SLC17A5: variants seen among roughly 807,000 people sequenced by gnomAD.
SLC17A5 encodes the protein solute carrier family 17 member 5.
A neutral mutation model predicts 59.4 loss-of-function variants in SLC17A5; 47 were observed. The observed-to-expected ratio is 0.79, with a 90% CI of 0.63 to 1.01. The LOEUF is 1.01. SLC17A5 is among the 50% of genes least tolerant of loss of function. The pLI is 0.00. For missense variants in SLC17A5, 522 were observed against 595.5 expected (o/e 0.88, Z 1.28); for synonymous variants, 202 against 210.7 (o/e 0.96, Z 0.36).
At chr6:73,645,928 G>A (rs957295724) in intron 1 of SLC17A5, among the ~76,000 whole-genome samples, 4 of 151,506 alleles carry the variant, frequency 2.6e-5, no homozygotes, top group Admixed American at 2.6e-4. Flanking sequence ...TTCTTTTATT[G>A]AGTTGCAGAA....
At chr6:73,634,179 TAA>T (rs1199540318) in intron 6 of SLC17A5, among the ~76,000 whole-genome samples, 2 of 152,158 alleles carry the variant, frequency 1.3e-5, no homozygotes. Flanking sequence ...TAATAAGATA[TAA>T]ACTTTTTTCT....
In SLC17A5 at chr6:73,595,156, C is replaced by G; in HGVS notation, c.1409G>C (p.Gly470Ala). Residue 470 changes from glycine to alanine, a missense_variant, in exon 11 of 11, where the codon GGT (glycine) becomes GCT (alanine). By Grantham distance (60) the Gly-to-Ala change is moderately conservative (BLOSUM62 0). Coordinates refer to ENST00000355773, the MANE Select transcript of SLC17A5 (RefSeq NM_012434.5). ...GGCGAATAGTGTAAAGAAAATGGCA[C>G]CAAAAACATTAATAGCAGCAGCAAT... is the stretch of plus-strand genomic sequence containing the variant. ...FYIAAAINVFGAIFFTLFAKG... is the reference protein window; with the variant it reads ...FYIAAAINVFAAIFFTLFAKG... 6.2e-7 allele frequency: 1 copy of G among 1,614,024 alleles called. No individual in the cohort carries two copies. The highest frequency in any genetic ancestry group is 8.5e-7 in the Non-Finnish European group (1 of 1,180,018).
intron 3 of SLC17A5, among the ~76,000 whole-genome samples, chr6:73,640,877 G>C (rs549781344): frequency 4.9e-4 from 75 of 152,164 alleles, no homozygotes; most frequent in Admixed American, 1.3e-3. Flanking sequence ...CAGAATCATA[G>C]AACTAAATTG....
intron 1 of SLC17A5, chr6:73,652,978 T>C: frequency 1.1e-6 from 1 of 923,234 alleles, no homozygotes; most frequent in Non-Finnish European, 1.3e-6. Context: ...CAAAATATTT[T>C]AATTTTCTCA....
intron 1 of SLC17A5, among the ~76,000 whole-genome samples, chr6:73,650,229 G>T (rs1769787648): frequency 6.7e-6 from 1 of 149,548 alleles, no homozygotes; most frequent in Non-Finnish European, 1.5e-5. Context: ...AGAAAAAAAG[G>T]CCGGGCACGG....
chr6:73,646,264 A>G (rs1156787116), intron 1 of SLC17A5, among the ~76,000 whole-genome samples: 1 of 152,224 alleles, frequency 6.6e-6, no homozygotes, highest in African/African-American at 2.4e-5. Flanking sequence ...AAGTCTTGAT[A>G]CTGGCTCAGA....
chr6:73,607,276 A>G (rs1767432472), intron 9 of SLC17A5, among the ~76,000 whole-genome samples: 1 of 144,646 alleles, frequency 6.9e-6, no homozygotes. Flanking sequence ...TTTTGACAAT[A>G]GCACTATTTT....
chr6:73,641,916 C>G lies in SLC17A5; in HGVS notation c.300G>C (p.Lys100Asn). Residue 100 changes from lysine to asparagine, a missense_variant, in exon 3 of 11, where the codon AAG (lysine) becomes AAC (asparagine). Physicochemically the swap from Lys to Asn is moderately conservative, Grantham distance 94. Coordinates refer to ENST00000355773, the MANE Select transcript of SLC17A5 (RefSeq NM_012434.5). ...CTTGAGTTTCTGCATCCCATTGGTA[C>G]TTCTTACCCTACAAAAATCAGAAAA... is the stretch of plus-strand genomic sequence containing the variant. ...IKVHHNQTGK[K>N]YQWDAETQGW... 1 of 1,613,664 alleles carries G rather than the reference C, an allele frequency of 6.2e-7. No individual in the cohort carries two copies. Among genetic ancestry groups the G allele is most frequent in the Non-Finnish European group, 8.5e-7 (1 of 1,179,558 alleles).
intron 3 of SLC17A5, 147 bp from the exon 4 acceptor site, chr6:73,638,646 T>C (rs1769138178): frequency 1.4e-6 from 1 of 708,602 alleles, no homozygotes; most frequent in Non-Finnish European, 2.5e-6. Flanking sequence ...TTTTACAGTG[T>C]TAAGTGAAAA....
chr6:73,650,761 C>T (rs1211845995), intron 1 of SLC17A5, among the ~76,000 whole-genome samples: 1 of 151,314 alleles, frequency 6.6e-6, no homozygotes, highest in Admixed American at 6.6e-5. Flanking sequence ...ATGGAGAGGG[C>T]TGAAAGTTTA....
intron 9 of SLC17A5, among the ~76,000 whole-genome samples, chr6:73,601,375 G>A (rs1184381451): frequency 7.0e-6 from 1 of 143,428 alleles, no homozygotes; most frequent in African/African-American, 2.6e-5. Context: ...AGTGAGGAGC[G>A]TCTCCGCCCG....
intron 3 of SLC17A5, 61 bp downstream of exon 3, chr6:73,641,630 T>C: frequency 2.4e-6 from 3 of 1,254,732 alleles, no homozygotes; most frequent in Non-Finnish European, 3.4e-6. Context: ...GAATGACATC[T>C]TTAAGAAGAA....
chr6:73,627,631 ATTTT>A (rs10586058), intron 6 of SLC17A5, among the ~76,000 whole-genome samples: 24,235 of 143,400 alleles, frequency 0.17, 2,999 homozygotes, highest in African/African-American at 0.35. Context: ...TTATGAAAGC[ATTTT>A]TTTTTTTTTT....
chr6:73,610,964 T>G (rs1027017843), intron 8 of SLC17A5, among the ~76,000 whole-genome samples: 2 of 152,226 alleles, frequency 1.3e-5, no homozygotes, highest in African/African-American at 4.8e-5. Context: ...CCATCTTGCC[T>G]GGGTGTGGCA....
intron 2 of SLC17A5, among the ~76,000 whole-genome samples, chr6:73,643,330 T>G (rs1420653525): frequency 6.6e-6 from 1 of 151,594 alleles, no homozygotes; most frequent in Non-Finnish European, 1.5e-5. Context: ...CCGTCTAATT[T>G]TTTGTATTTT....
At chr6:73,645,340 C>T (rs1243003904) in intron 1 of SLC17A5, 1 of 985,288 alleles carries the variant, frequency 1.0e-6, no homozygotes, top group Non-Finnish European at 1.2e-6. Context: ...ATGATTAATA[C>T]TTAAAGCCAT....
chr6:73,615,195 T>A, intron 8 of SLC17A5, 120 bp downstream of exon 8: 2 of 1,123,050 alleles, frequency 1.8e-6, no homozygotes, highest in Non-Finnish European at 1.3e-6. Flanking sequence ...AGGTGTTCTG[T>A]GTTGAGTATT....
At chr6:73,647,280 G>A (rs566157755) in intron 1 of SLC17A5, among the ~76,000 whole-genome samples, 4 of 152,372 alleles carry the variant, frequency 2.6e-5, no homozygotes, top group South Asian at 4.1e-4. Context: ...TGTGAAGGGT[G>A]TAAGGAATGT....
chr6:73,602,306 C>T (rs12212120), intron 9 of SLC17A5, among the ~76,000 whole-genome samples: 6 of 137,606 alleles, frequency 4.4e-5, no homozygotes, highest in East Asian at 4.0e-4. Context: ...CACTGCGGAA[C>T]GCCGCAGGGT....
Sources: allele counts gnomAD v4.1 joint callset (sites outside exome capture counted in the v4.1 genomes callset), GRCh38; gene constraint gnomAD v4.1.1; transcripts MANE v1.5; gene names NCBI Gene and HGNC (gene_info 2026-07-23, HGNC 2026-07-21).